Variants in TRIO observed in about 807,000 individuals in gnomAD.
The protein encoded by TRIO is triple functional domain protein.
TRIO carries 58 observed loss-of-function variants against 351.9 expected under a neutral mutation model. That is an observed-to-expected ratio of 0.16 (90% CI 0.13 to 0.21). The LOEUF (loss-of-function observed/expected upper bound fraction) is 0.21. Ranked by LOEUF, TRIO falls within the 10% of genes least tolerant of loss-of-function variation. TRIO has a pLI of 1.00. For missense variants in TRIO, 3,201 were observed against 4,027.8 expected (o/e 0.79, Z 5.56); for synonymous variants, 1,758 against 1,595.7 (o/e 1.10, Z -2.42).
At chr5:14,177,661 C>G (rs1046957514) in intron 1 of TRIO, among the ~76,000 whole-genome samples, 2 of 152,184 alleles carry the variant, frequency 1.3e-5, no homozygotes, top group African/African-American at 4.8e-5. Flanking sequence ...GTCCCAGAGC[C>G]CAGGACCCCT....
intron 33 of TRIO, among the ~76,000 whole-genome samples, chr5:14,407,236 G>A (rs1253875789): frequency 6.6e-6 from 1 of 152,146 alleles, no homozygotes; most frequent in Non-Finnish European, 1.5e-5. Flanking sequence ...GTCTCAATGA[G>A]TGGGCTTAGA....
intron 27 of TRIO, among the ~76,000 whole-genome samples, chr5:14,391,396 T>C (rs780295698): frequency 5.3e-5 from 8 of 152,248 alleles, no homozygotes; most frequent in Non-Finnish European, 1.2e-4. Flanking sequence ...GTGAATCTTT[T>C]TATTTTTCCT....
intron 34 of TRIO, among the ~76,000 whole-genome samples, chr5:14,423,414 G>A (rs908860905): frequency 2.6e-5 from 4 of 152,180 alleles, no homozygotes; most frequent in African/African-American, 9.7e-5. Context: ...CCTTCCCATT[G>A]TCTCAACTTG....
rs60827656 is a variant in TRIO at position 14,202,294 on chromosome 5, A to ATTTTTTTTTTTTTTTTTTTTT, written c.157+58428_157+58448dup. Among the ~76,000 whole-genome samples, 5 of 33,564 alleles carry ATTTTTTTTTTTTTTTTTTTTT rather than the reference A, an allele frequency of 1.5e-4. 1 individual carries two copies. The highest frequency in any genetic ancestry group is 2.9e-4 in the Non-Finnish European group (5 of 17,106). 22.0% of individuals were successfully genotyped at this position (33,564 alleles called of 152,430 possible). ...TTAAAACATTTTGAATATTTTTGTG[A>ATTTTTTTTTTTTTTTTTTTTT]TTTTTTTTTTTTTTTTTTTTTTTTT... On this transcript the variant is annotated intron_variant, in intron 1 of 56. Coordinates refer to ENST00000344204, the MANE Select transcript of TRIO (RefSeq NM_007118.4).
At chr5:14,246,099 T>G (rs1214289609) in intron 1 of TRIO, among the ~76,000 whole-genome samples, 3 of 152,214 alleles carry the variant, frequency 2.0e-5, no homozygotes, top group African/African-American at 7.2e-5. Context: ...CCCTCTCACC[T>G]TAAACCATTT....
At chr5:14,443,874 C>T (rs1752246666) in intron 34 of TRIO, among the ~76,000 whole-genome samples, 1 of 152,172 alleles carries the variant, frequency 6.6e-6, no homozygotes, top group African/African-American at 2.4e-5. Flanking sequence ...CCTAGTTCTA[C>T]GGATAAGAGA....
chr5:14,212,659 A>G (rs541840820), intron 1 of TRIO, among the ~76,000 whole-genome samples: 13 of 152,218 alleles, frequency 8.5e-5, no homozygotes, highest in East Asian at 1.9e-4. Flanking sequence ...GGAAAGAGCT[A>G]TGTCCCCCCA....
chr5:14,187,920 G>T (rs1453415336), intron 1 of TRIO, among the ~76,000 whole-genome samples: 7 of 152,106 alleles, frequency 4.6e-5, no homozygotes, highest in South Asian at 2.1e-4. Context: ...GTTTTTATTT[G>T]TTCTGTCACC....
intron 47 of TRIO, 101 bp downstream of exon 47, chr5:14,485,347 T>G: frequency 1.6e-6 from 2 of 1,285,774 alleles, no homozygotes; most frequent in Non-Finnish European, 2.1e-6. Context: ...TGACAGAACT[T>G]AGCACTCACC....
chr5:14,163,422 A>G (rs1334010302), intron 1 of TRIO, among the ~76,000 whole-genome samples: 4 of 152,170 alleles, frequency 2.6e-5, no homozygotes, highest in Non-Finnish European at 4.4e-5. Context: ...GGGTTTCACC[A>G]TGTTGGCCAG....
intron 11 of TRIO, among the ~76,000 whole-genome samples, chr5:14,350,043 A>G (rs1039069279): frequency 6.6e-6 from 1 of 152,198 alleles, no homozygotes; most frequent in African/African-American, 2.4e-5. Flanking sequence ...ATGTTGTTGC[A>G]AAGGACACGA....
At chr5:14,221,701 G>A (rs934238908) in intron 1 of TRIO, among the ~76,000 whole-genome samples, 17 of 152,218 alleles carry the variant, frequency 1.1e-4, no homozygotes, top group African/African-American at 4.1e-4. Flanking sequence ...CTGCAGTCTC[G>A]TGATTAAACT....
At chr5:14,507,015 GAC>G in intron 55 of TRIO, 105 bp from the exon 56 acceptor site, 1 of 1,405,872 alleles carries the variant, frequency 7.1e-7, no homozygotes. Flanking sequence ...AGATCCCGAT[GAC>G]ACATTCATAA....
At chr5:14,194,703 A>T (rs1463092057) in intron 1 of TRIO, among the ~76,000 whole-genome samples, 1 of 152,254 alleles carries the variant, frequency 6.6e-6, no homozygotes. Context: ...GGAATAGTGT[A>T]TAGCCTTTGT....
chr5:14,226,818 G>C (rs1057350123), intron 1 of TRIO, among the ~76,000 whole-genome samples: 5 of 139,436 alleles, frequency 3.6e-5, no homozygotes, highest in South Asian at 2.4e-4. Flanking sequence ...GTTCGGAGAC[G>C]TGGAGGGCAC....
intron 22 of TRIO, 34 bp downstream of exon 22, chr5:14,387,666 G>T: frequency 6.2e-7 from 1 of 1,608,890 alleles, no homozygotes. Context: ...ATAAATTATG[G>T]TCTTCTTCCT....
chr5:14,409,006 A>G (rs1748954889), intron 33 of TRIO, among the ~76,000 whole-genome samples: 1 of 152,090 alleles, frequency 6.6e-6, no homozygotes, highest in Non-Finnish European at 1.5e-5. Context: ...TTTATGGATA[A>G]ATGGGTGCCT....
intron 6 of TRIO, among the ~76,000 whole-genome samples, chr5:14,296,711 C>T (rs1160091912): frequency 1.3e-5 from 2 of 152,322 alleles, no homozygotes; most frequent in East Asian, 3.9e-4. Context: ...TTCTCTGTGA[C>T]TGCCTGGCAG....
In TRIO at chr5:14,143,808, G is replaced by C. The variant is rs1787322056; in HGVS notation, c.83G>C (p.Cys28Ser). 2.8e-6 allele frequency: 3 copies of C among 1,054,248 alleles called. No individual in the cohort carries two copies. In the Admixed American group the frequency reaches 1.7e-4, roughly 59 times the overall value. 65.3% of individuals were successfully genotyped at this position (1,054,248 alleles called of 1,614,324 possible). The stretch of plus-strand genomic sequence containing the variant: ...GCGGCCAGCGCGGCTGGCTCGGGCT[G>C]CGGGGGCGGTGCCGGCGAGGGGGCA... ...AAAASAAGSG[C>S]GGGAGEGAEE... Residue 28 changes from cysteine to serine, a missense_variant, in exon 1 of 57, where the codon TGC becomes TCC. Around this residue, in one of 19 missense-constraint regions of TRIO, gnomAD observed 109 missense variants for 134.6 expected, o/e 0.81. Transcript: ENST00000344204.
Sources: allele counts gnomAD v4.1 joint callset (sites outside exome capture counted in the v4.1 genomes callset), GRCh38; gene constraint gnomAD v4.1.1; regional missense constraint gnomAD v4.1.1; transcripts MANE v1.5; gene names NCBI Gene and HGNC (gene_info 2026-07-23, HGNC 2026-07-21).